The following SRGAP2 variants were observed in gnomAD, a reference collection of about 807,000 sequenced individuals.
SRGAP2 encodes the protein SLIT-ROBO Rho GTPase activating protein 2, also known as SLIT-ROBO Rho GTPase-activating protein 2.
SRGAP2 carries 15 observed loss-of-function variants against 57.2 expected under a neutral mutation model. That is an observed-to-expected ratio of 0.26 (90% CI 0.18 to 0.40). The LOEUF (loss-of-function observed/expected upper bound fraction) is 0.40, where lower values mean the gene tolerates loss of function less well. Among genes scored for constraint, SRGAP2 ranks in the 10% least tolerant of loss-of-function variants. The pLI is 1.00. For missense variants in SRGAP2, 520 were observed against 669.6 expected, an observed-to-expected ratio of 0.78 and a Z score of 2.47; for synonymous variants, 249 against 248.0, an observed-to-expected ratio of 1.00 and a Z score of -0.04.
At chr1:206,442,214 C>T (rs1662369061) in intron 17 of SRGAP2, among the ~76,000 whole-genome samples, 3 of 152,188 alleles carry the variant, frequency 2.0e-5, no homozygotes, top group African/African-American at 4.8e-5. Context: ...GGTCCTTGTT[C>T]CCCATCTTGT....
chr1:206,438,147 A>T (rs1553370707), intron 16 of SRGAP2, 49 bp downstream of exon 16: 1 of 771,132 alleles, frequency 1.3e-6, no homozygotes, highest in Non-Finnish European at 2.4e-6. Context: ...CAGCACCGGT[A>T]GCAAGAGAGA....
At chr1:206,347,558 C>T (rs1213522787) in intron 4 of SRGAP2, among the ~76,000 whole-genome samples, 1 of 150,236 alleles carries the variant, frequency 6.7e-6, no homozygotes, top group African/African-American at 2.5e-5. Flanking sequence ...GTCTAGGCAA[C>T]AGAGCAAGAC....
intron 2 of SRGAP2, among the ~76,000 whole-genome samples, chr1:206,259,888 G>A (rs1175806892): frequency 1.1e-5 from 1 of 90,828 alleles, no homozygotes; most frequent in Non-Finnish European, 2.1e-5. Flanking sequence ...TTTTGTCTGG[G>A]GAAGGGGAAC....
In SRGAP2 at chr1:206,428,856, C is replaced by T. The variant is rs906933985; in HGVS notation, c.1495-1306C>T. ...TTTAGTAGAGACAGAGTCTGTTGCC[C>T]AGGCTGGTCTCACACTCTTGATCTC... On this transcript the variant is annotated intron_variant, in intron 13 of 22. Transcript: ENST00000573034. Among the ~76,000 whole-genome samples the T allele has an allele frequency of 3.9e-5, 6 of 152,050 alleles. No individual in the cohort carries two copies. In the East Asian group the frequency reaches 1.2e-3, roughly 29 times the overall value.
intron 3 of SRGAP2, among the ~76,000 whole-genome samples, chr1:206,313,623 C>A (rs1385784908): frequency 3.3e-5 from 5 of 152,226 alleles, no homozygotes; most frequent in African/African-American, 1.2e-4. Flanking sequence ...AGGGCCTTGA[C>A]TCTTGATTAG....
Position 206,450,413 on chromosome 1 carries a change from G to A in SRGAP2, c.2127G>A (p.Ser709=), listed in dbSNP as rs781968270. ...YCDSPHGETT[S]VEDSTQDVTA... ...ATAGCCCTCATGGAGAGACTACCTCGGTTGAAGACTCAACCCAGGATGTGA... is the reference window on the plus strand; with the variant it reads ...ATAGCCCTCATGGAGAGACTACCTCAGTTGAAGACTCAACCCAGGATGTGA... Residue 709 remains serine, a synonymous_variant, in exon 19 of 23, where the codon TCG becomes TCA. Transcript: ENST00000573034. 2.6e-6 allele frequency: 2 copies of A among 780,700 alleles called. No homozygotes were observed. The highest frequency in any genetic ancestry group is 1.7e-5 in the Admixed American group (1 of 59,010). 48.4% of individuals were successfully genotyped at this position (780,700 alleles called of 1,614,324 possible). A position where few individuals can be genotyped will look rare whatever the true frequency, so the allele number is the denominator to read the frequency against.
chr1:206,357,283 G>A (rs1350125682), intron 4 of SRGAP2, among the ~76,000 whole-genome samples: 1 of 148,502 alleles, frequency 6.7e-6, no homozygotes, highest in Non-Finnish European at 1.5e-5. Context: ...GTAGTAACGT[G>A]TTTTTTTCAA....
intron 2 of SRGAP2, among the ~76,000 whole-genome samples, chr1:206,288,143 A>G (rs1434422563): frequency 4.0e-5 from 6 of 151,222 alleles, no homozygotes; most frequent in Non-Finnish European, 7.4e-5. Context: ...AAATAACTGC[A>G]TTTCTTTTTA....
chr1:206,442,581 A>G (rs1662404929), intron 17 of SRGAP2, among the ~76,000 whole-genome samples: 1 of 152,208 alleles, frequency 6.6e-6, no homozygotes. Context: ...CAGAGATGGC[A>G]GCCACTATTG....
At chr1:206,225,860 G>C (rs1667245739) in intron 2 of SRGAP2, among the ~76,000 whole-genome samples, 1 of 152,292 alleles carries the variant, frequency 6.6e-6, no homozygotes, top group African/African-American at 2.4e-5. Context: ...CTTGCTCCGA[G>C]TTTGGTTGGA....
intron 3 of SRGAP2, among the ~76,000 whole-genome samples, chr1:206,306,661 G>T (rs1396980467): frequency 4.6e-5 from 7 of 152,140 alleles, no homozygotes; most frequent in African/African-American, 1.7e-4. Flanking sequence ...TCAGGGTACT[G>T]ATTGGTGCAT....
chr1:206,210,403 CT>C (rs71568077), intron 2 of SRGAP2, among the ~76,000 whole-genome samples: 3,154 of 31,758 alleles, frequency 0.099, 99 homozygotes, highest in African/African-American at 0.18. Flanking sequence ...GGGGTCTTGT[CT>C]TTTTTTTTTT....
At chr1:206,357,689 T>C (rs542024039) in intron 4 of SRGAP2, among the ~76,000 whole-genome samples, 131 of 150,946 alleles carry the variant, frequency 8.7e-4, no homozygotes, top group Non-Finnish European at 1.4e-3. Context: ...GTTCAAGTGA[T>C]TCTCGTGCCT....
chr1:206,363,547 C>G (rs574102641), intron 4 of SRGAP2, among the ~76,000 whole-genome samples: 2 of 151,992 alleles, frequency 1.3e-5, no homozygotes, highest in African/African-American at 4.8e-5. Context: ...ATGTCCAATT[C>G]AAATTTCTGG....
At chr1:206,242,619 CTG>C (rs1668307457) in intron 2 of SRGAP2, among the ~76,000 whole-genome samples, 1 of 123,290 alleles carries the variant, frequency 8.1e-6, no homozygotes, top group Non-Finnish European at 1.7e-5. Context: ...TGTGCAAGAA[CTG>C]TGCTGTATGC....
chr1:206,440,080 C>A lies in SRGAP2; in HGVS notation c.1873C>A (p.His625Asn). Residue 625 changes from histidine to asparagine, a missense_variant and splice_region_variant, in exon 17 of 23, where the codon CAT (histidine) becomes AAT (asparagine). By Grantham distance (68) the His-to-Asn change is moderately conservative. Transcript: ENST00000573034. Reference sequence around the variant, plus strand: ...GAGATACCTCTTTGCCTTCCTCAATCAGTGAGTAGCCTTCCCAGTGAACAG... The same window carrying A: ...GAGATACCTCTTTGCCTTCCTCAATAAGTGAGTAGCCTTCCCAGTGAACAG... ...IMRYLFAFLN[H>N]LSQFSEENMM... 1.3e-6 allele frequency: 1 copy of A among 780,744 alleles called. No individual in the cohort carries two copies. The highest frequency in any genetic ancestry group is 1.3e-5 in the South Asian group (1 of 74,588). 48.4% of individuals were successfully genotyped at this position (780,744 alleles called of 1,614,324 possible).
intron 2 of SRGAP2, among the ~76,000 whole-genome samples, chr1:206,220,602 C>T (rs1666922336): frequency 6.6e-6 from 1 of 152,230 alleles, no homozygotes; most frequent in Admixed American, 6.5e-5. Context: ...CCACAGCCCA[C>T]CTTCCCATCT....
At chr1:206,303,920 TCA>T (rs1186803419) in intron 3 of SRGAP2, among the ~76,000 whole-genome samples, 3,092 of 143,978 alleles carry the variant, frequency 0.021, 51 homozygotes, top group African/African-American at 0.073. Flanking sequence ...ACACACACAC[TCA>T]CACTCACACA....
rs1334747877 is a variant in SRGAP2, at chr1:206,459,347, A to G, written c.2832+400A>G. Reference sequence around the variant, plus strand: ...GCCACATGTTTATATTGCTGTGCCCATCACCATCATCCCGATTCCTAAGGC... The same window carrying G: ...GCCACATGTTTATATTGCTGTGCCCGTCACCATCATCCCGATTCCTAAGGC... On this transcript the variant is annotated intron_variant, in intron 22 of 22. Transcript: ENST00000573034. Among the ~76,000 whole-genome samples the G allele has an allele frequency of 2.0e-5, 3 of 151,330 alleles. 1 individual carries two copies.
Sources: gnomAD v4.1 joint callset for allele counts (sites outside exome capture counted in the v4.1 genomes callset) on GRCh38, gnomAD v4.1.1 for gene constraint, MANE v1.5 for transcripts, NCBI Gene and HGNC (gene_info 2026-07-23, HGNC 2026-07-21) for gene names.